PDE10A: variants seen among roughly 807,000 people sequenced by gnomAD.
PDE10A encodes the protein phosphodiesterase 10A, also known as cAMP and cAMP-inhibited cGMP 3',5'-cyclic phosphodiesterase 10A.
A neutral mutation model predicts 97.7 loss-of-function variants in PDE10A; 39 were observed. That is an observed-to-expected ratio of 0.40 (90% CI 0.31 to 0.52). PDE10A has a LOEUF of 0.52. Among genes scored for constraint, PDE10A ranks in the 20% least tolerant of loss-of-function variants. PDE10A has a pLI of 0.56. For missense variants in PDE10A, 731 were observed against 1,047.8 expected, an observed-to-expected ratio of 0.70 and a Z score of 4.17; for synonymous variants, 371 against 376.8, an observed-to-expected ratio of 0.98 and a Z score of 0.18.
intron 1 of PDE10A, among the ~76,000 whole-genome samples, chr6:165,731,109 G>A (rs900705210): frequency 2.0e-5 from 3 of 152,186 alleles, no homozygotes; most frequent in Non-Finnish European, 2.9e-5. Context: ...GCCGCGCCGC[G>A]GAACCCTGCC....
At chr6:165,656,545 C>T (rs1015585646) in intron 1 of PDE10A, among the ~76,000 whole-genome samples, 1 of 151,976 alleles carries the variant, frequency 6.6e-6, no homozygotes, top group Non-Finnish European at 1.5e-5. Context: ...ACCTGTCTTC[C>T]ATAGCTGTTT....
intron 1 of PDE10A, among the ~76,000 whole-genome samples, chr6:165,632,834 A>G (rs1371558070): frequency 1.3e-5 from 2 of 152,162 alleles, no homozygotes; most frequent in South Asian, 2.1e-4. Context: ...GACATTTCCT[A>G]CTGACATCTG....
At chr6:165,877,117 G>T (rs999397251) in intron 1 of PDE10A, among the ~76,000 whole-genome samples, 1 of 152,184 alleles carries the variant, frequency 6.6e-6, no homozygotes, top group Non-Finnish European at 1.5e-5. Context: ...CTTCCTGAAG[G>T]CACTATCTGC....
At chr6:165,676,017 A>G (rs532497828) in intron 1 of PDE10A, among the ~76,000 whole-genome samples, 85 of 152,332 alleles carry the variant, frequency 5.6e-4, no homozygotes, top group Non-Finnish European at 1.1e-3. Context: ...TGGATAAGGA[A>G]AGTGTCGTAT....
chr6:165,881,909 A>G lies in PDE10A; in HGVS notation c.-615+105620T>C, dbSNP rs143983982. Among the ~76,000 whole-genome samples the G allele has an allele frequency of 1.8e-4, 28 of 152,250 alleles. 1 individual carries two copies. The South Asian group carries it at 4.6e-3, about 25-fold the overall frequency. On this transcript the variant is annotated intron_variant, in intron 1 of 19. Coordinates refer to the PDE10A transcript ENST00000366882. ...CACTTGAAAAAACATTGCCCGTGAC[A>G]TTATTTGTACCTTATGCAAAGTGTG...
intron 1 of PDE10A, among the ~76,000 whole-genome samples, chr6:165,958,734 A>AG (rs1182520196): frequency 8.7e-4 from 12 of 13,726 alleles, no homozygotes; most frequent in Non-Finnish European, 1.5e-3. Context: ...AAAGAAAGAA[A>AG]GAAAGAAAGA....
At position 165,711,306 on chromosome 6, in the gene PDE10A, C is replaced by G. The variant is rs1392286269; in HGVS notation, c.-614-167738G>C. Among the ~76,000 whole-genome samples, 2 of 152,174 alleles carry G rather than the reference C, an allele frequency of 1.3e-5. No homozygotes were observed. The highest frequency in any genetic ancestry group is 2.9e-5 in the Non-Finnish European group (2 of 68,040). On this transcript the variant is annotated intron_variant, in intron 1 of 19. Coordinates refer to the PDE10A transcript ENST00000366882. This position sits in a 1 kb window ranked among gnomAD's most constrained non-coding sequence, Gnocchi z 4.5. ...TCCCATTGGCCCTTCAAGTTGGGCA[C>G]TGTGGCACCATTACAGATGGTATGA...
intron 1 of PDE10A, among the ~76,000 whole-genome samples, chr6:165,735,053 TAGAC>T (rs1792536654): frequency 6.7e-6 from 1 of 149,082 alleles, no homozygotes; most frequent in Non-Finnish European, 1.5e-5. Context: ...AATAGGGAGG[TAGAC>T]AGATAGGTAG....
At chr6:165,488,078 T>C (rs1228234496) in intron 2 of PDE10A, among the ~76,000 whole-genome samples, 6 of 150,288 alleles carry the variant, frequency 4.0e-5, no homozygotes, top group Non-Finnish European at 8.9e-5. Flanking sequence ...TTAATTTTTA[T>C]GCAGCATAGG....
intron 1 of PDE10A, among the ~76,000 whole-genome samples, chr6:165,943,691 G>A (rs533678442): frequency 6.6e-6 from 1 of 152,330 alleles, no homozygotes; most frequent in South Asian, 2.1e-4. Flanking sequence ...TGAGTCAGGT[G>A]ATGCCTGCCA....
chr6:165,767,078 A>G (rs541078043), intron 1 of PDE10A, among the ~76,000 whole-genome samples: 1 of 152,316 alleles, frequency 6.6e-6, no homozygotes, highest in African/African-American at 2.4e-5. Flanking sequence ...TCTACATTAA[A>G]AAACGGGCTT....
At chr6:165,764,650 G>A (rs1777765427) in intron 1 of PDE10A, among the ~76,000 whole-genome samples, 1 of 152,158 alleles carries the variant, frequency 6.6e-6, no homozygotes, top group African/African-American at 2.4e-5. Flanking sequence ...CGCGTCTGGA[G>A]TTGTTCCTTC....
intron 1 of PDE10A, among the ~76,000 whole-genome samples, chr6:165,832,352 A>C (rs1372291015): frequency 6.6e-6 from 1 of 152,168 alleles, no homozygotes; most frequent in East Asian, 1.9e-4. Context: ...CTTTGACTCC[A>C]AGAGGTTAAC....
intron 21 of PDE10A, among the ~76,000 whole-genome samples, chr6:165,335,861 T>G (rs1010484867): frequency 1.3e-5 from 2 of 151,602 alleles, no homozygotes; most frequent in Non-Finnish European, 2.9e-5. Context: ...CTGTTCCCAC[T>G]GTCCCTCTCT....
chr6:165,761,620 GGA>G (rs113033506), intron 1 of PDE10A, among the ~76,000 whole-genome samples: 13,327 of 152,060 alleles, frequency 0.088, 1,381 homozygotes, highest in African/African-American at 0.25. Context: ...AATTGACAAA[GGA>G]GGCTCAATTA....
intron 1 of PDE10A, among the ~76,000 whole-genome samples, chr6:165,839,907 A>ATCTCC (rs1562762592): frequency 2.6e-5 from 1 of 38,930 alleles, no homozygotes; most frequent in African/African-American, 1.0e-4. Context: ...TCCCATCTCC[A>ATCTCC]ACTCCATCCC....
chr6:165,928,718 C>T (rs1783025862), intron 1 of PDE10A, among the ~76,000 whole-genome samples: 2 of 149,254 alleles, frequency 1.3e-5, no homozygotes, highest in Non-Finnish European at 3.0e-5. Flanking sequence ...CCCTCACATC[C>T]CCTCTCAACC....
At chr6:165,515,452 A>G (rs144718479) in intron 2 of PDE10A, among the ~76,000 whole-genome samples, 1 of 151,736 alleles carries the variant, frequency 6.6e-6, no homozygotes, top group Non-Finnish European at 1.5e-5. Context: ...TTGGTTTAAT[A>G]TTATAATCAT....
chr6:165,950,260 G>C (rs1783911709), intron 1 of PDE10A, among the ~76,000 whole-genome samples: 1 of 152,148 alleles, frequency 6.6e-6, no homozygotes, highest in South Asian at 2.1e-4. Context: ...ATACACAAAA[G>C]TACAGTCTTT....
Sources: gnomAD v4.1 joint callset for allele counts (sites outside exome capture counted in the v4.1 genomes callset) on GRCh38, gnomAD v4.1.1 for gene constraint, Gnocchi (gnomAD v3.1) non-coding constraint, MANE v1.5 for transcripts, NCBI Gene and HGNC (gene_info 2026-07-23, HGNC 2026-07-21) for gene names.